TAS2R1: variants seen among roughly 807,000 people sequenced by gnomAD.
The protein encoded by TAS2R1 is taste receptor type 2 member 1.
For synonymous variants in TAS2R1, 141 were observed against 134.2 expected, an observed-to-expected ratio of 1.05 and a Z score of -0.35; for missense variants, 370 against 353.4, an observed-to-expected ratio of 1.05 and a Z score of -0.38.
intron 1 of TAS2R1, among the ~76,000 whole-genome samples, chr5:9,674,581 C>T (rs1200196184): frequency 1.3e-5 from 2 of 151,990 alleles, no homozygotes; most frequent in African/African-American, 4.8e-5. Flanking sequence ...TAGTGTATAC[C>T]TCACAAAGAT....
At chr5:9,781,466 C>A in the TAS2R1 span, among the ~76,000 whole-genome samples, 2 of 152,148 alleles carry the variant, frequency 1.3e-5, no homozygotes, top group African/African-American at 4.8e-5. Flanking sequence ...ACACAGCAAC[C>A]CAAGCGACTC....
At chr5:9,741,977 C>T in the TAS2R1 span, among the ~76,000 whole-genome samples, 1 of 152,160 alleles carries the variant, frequency 6.6e-6, no homozygotes, top group Admixed American at 6.5e-5. Context: ...CTCACCACAA[C>T]CTCTGCCTCC....
chr5:9,738,806 G>T, the TAS2R1 span, among the ~76,000 whole-genome samples: 1 of 151,992 alleles, frequency 6.6e-6, no homozygotes, highest in Admixed American at 6.5e-5. Flanking sequence ...CAGCATCAGT[G>T]CAGATGAGTC....
the TAS2R1 span, among the ~76,000 whole-genome samples, chr5:9,830,098 G>T: frequency 6.6e-6 from 1 of 152,176 alleles, no homozygotes; most frequent in Non-Finnish European, 1.5e-5. Flanking sequence ...CACAGCTTTG[G>T]CCATGAAGGG....
chr5:9,848,097 T>G, the TAS2R1 span, among the ~76,000 whole-genome samples: 1 of 152,238 alleles, frequency 6.6e-6, no homozygotes, highest in African/African-American at 2.4e-5. Flanking sequence ...ACAGAACTCA[T>G]GAATACTTCT....
the TAS2R1 span, among the ~76,000 whole-genome samples, chr5:9,804,328 T>TG: frequency 6.6e-6 from 1 of 152,022 alleles, no homozygotes; most frequent in Non-Finnish European, 1.5e-5. Flanking sequence ...CAGCACCAGA[T>TG]GGGTCATCAA....
intron 1 of TAS2R1, among the ~76,000 whole-genome samples, chr5:9,672,352 C>T (rs563675087): frequency 3.3e-5 from 5 of 152,052 alleles, no homozygotes; most frequent in African/African-American, 9.6e-5. Context: ...AGACAACCTA[C>T]AGAACAGGAG....
chr5:9,728,866 G>T, the TAS2R1 span, among the ~76,000 whole-genome samples: 1 of 152,334 alleles, frequency 6.6e-6, no homozygotes, highest in African/African-American at 2.4e-5. Flanking sequence ...CTCGATCTCA[G>T]CAGGGAAAAC....
the TAS2R1 span, among the ~76,000 whole-genome samples, chr5:9,800,493 G>A: frequency 6.6e-6 from 1 of 152,194 alleles, no homozygotes; most frequent in Non-Finnish European, 1.5e-5. Flanking sequence ...GAAGAGCTAA[G>A]GAAGGGCTTC....
chr5:9,876,493 C>G, the TAS2R1 span, among the ~76,000 whole-genome samples: 1 of 152,170 alleles, frequency 6.6e-6, no homozygotes, highest in Non-Finnish European at 1.5e-5. Context: ...TTCACAGAAG[C>G]CACATGAAAC....
chr5:9,671,122 G>A (rs1740745184), intron 1 of TAS2R1, among the ~76,000 whole-genome samples: 1 of 152,156 alleles, frequency 6.6e-6, no homozygotes, highest in Non-Finnish European at 1.5e-5. Flanking sequence ...CAACAAAGTA[G>A]GCATTGAAGG....
intron 1 of TAS2R1, among the ~76,000 whole-genome samples, chr5:9,697,774 C>T (rs16883391): frequency 6.6e-6 from 1 of 151,888 alleles, no homozygotes; most frequent in African/African-American, 2.4e-5. Context: ...AATCTCACAC[C>T]AGCAGCTATT....
At chr5:9,784,117 G>A in the TAS2R1 span, among the ~76,000 whole-genome samples, 8 of 152,216 alleles carry the variant, frequency 5.3e-5, no homozygotes, top group Non-Finnish European at 4.4e-5. Flanking sequence ...ACCATTGCAT[G>A]CCATGTAAGG....
At chr5:9,683,395 G>T (rs796470100) in intron 1 of TAS2R1, among the ~76,000 whole-genome samples, 19 of 152,304 alleles carry the variant, frequency 1.2e-4, no homozygotes, top group African/African-American at 4.6e-4. Flanking sequence ...ACACAGTCAA[G>T]TTTATCAACT....
intron 1 of TAS2R1, among the ~76,000 whole-genome samples, chr5:9,707,003 T>A (rs897789701): frequency 6.6e-6 from 1 of 152,118 alleles, no homozygotes; most frequent in African/African-American, 2.4e-5. Context: ...CACACATATT[T>A]ATTAGTTACT....
chr5:9,754,666 C>T, the TAS2R1 span, among the ~76,000 whole-genome samples: 3 of 152,126 alleles, frequency 2.0e-5, no homozygotes, highest in Non-Finnish European at 4.4e-5. Context: ...GAATAAAATA[C>T]CTTGGAATCC....
At chr5:9,869,270 T>C in the TAS2R1 span, among the ~76,000 whole-genome samples, 4 of 152,194 alleles carry the variant, frequency 2.6e-5, no homozygotes, top group South Asian at 4.1e-4. Context: ...GGGTAATTTA[T>C]AAAGGAAAGA....
At chr5:9,656,400 C>G (rs972823247) in intron 2 of TAS2R1, among the ~76,000 whole-genome samples, 1 of 152,146 alleles carries the variant, frequency 6.6e-6, no homozygotes, top group African/African-American at 2.4e-5. Context: ...AGAATTGGCA[C>G]ACATGATTAC....
the TAS2R1 span, among the ~76,000 whole-genome samples, chr5:9,731,516 G>A: frequency 6.6e-6 from 1 of 152,100 alleles, no homozygotes; most frequent in East Asian, 1.9e-4. Flanking sequence ...TCTCCTAGGT[G>A]GCCATCCGCC....
Sources: gnomAD v4.1 joint callset for allele counts (sites outside exome capture counted in the v4.1 genomes callset) on GRCh38, gnomAD v4.1.1 for gene constraint, MANE v1.5 for transcripts, NCBI Gene and HGNC (gene_info 2026-07-23, HGNC 2026-07-21) for gene names.